Variants in PUS10 observed in about 807,000 individuals in gnomAD.
PUS10 encodes tRNA pseudouridine synthase Pus10.
PUS10 carries 59 observed loss-of-function variants against 75.0 expected under a neutral mutation model. The observed-to-expected ratio is 0.79, with a 90% CI of 0.64 to 0.98. The LOEUF (loss-of-function observed/expected upper bound fraction) is 0.98, where lower values mean the gene tolerates loss of function less well. Ranked by LOEUF, PUS10 falls within the 50% of genes least tolerant of loss-of-function variation. The probability of loss-of-function intolerance (pLI) is 0.00; values close to 1 mark genes in which losing one functional copy is unlikely to be tolerated. For missense variants in PUS10, 650 were observed against 614.4 expected (o/e 1.06, Z -0.61); for synonymous variants, 219 against 211.6 (o/e 1.03, Z -0.30).
intron 4 of PUS10, among the ~76,000 whole-genome samples, chr2:60,975,235 C>T (rs886310816): frequency 2.6e-5 from 4 of 152,116 alleles, no homozygotes; most frequent in African/African-American, 9.7e-5. Context: ...CAACCTCCAC[C>T]TCCTGGGTTC....
At chr2:60,963,628 A>G (rs181288633) in intron 8 of PUS10, among the ~76,000 whole-genome samples, 31 of 152,244 alleles carry the variant, frequency 2.0e-4, no homozygotes, top group African/African-American at 6.3e-4. Flanking sequence ...GCTCAACAGT[A>G]TATCACCAAA....
chr2:60,947,383 T>C (rs1675010509), intron 16 of PUS10, among the ~76,000 whole-genome samples: 1 of 152,192 alleles, frequency 6.6e-6, no homozygotes, highest in Non-Finnish European at 1.5e-5. Context: ...TGGTCATAAA[T>C]ACGTGACTTG....
At chr2:61,005,713 T>G (rs1021163288) in intron 4 of PUS10, among the ~76,000 whole-genome samples, 7 of 152,220 alleles carry the variant, frequency 4.6e-5, no homozygotes, top group African/African-American at 1.4e-4. Flanking sequence ...ATTTGCTCAG[T>G]TATCTTGTCA....
chr2:61,008,672 C>G, intron 3 of PUS10, 89 bp downstream of exon 3: 1 of 1,121,816 alleles, frequency 8.9e-7, no homozygotes, highest in Non-Finnish European at 1.2e-6. Flanking sequence ...ATTGTCTTGT[C>G]TTGAAAAAAG....
intron 15 of PUS10, among the ~76,000 whole-genome samples, chr2:60,952,067 G>T (rs1205157712): frequency 6.6e-6 from 1 of 152,140 alleles, no homozygotes; most frequent in Non-Finnish European, 1.5e-5. Context: ...CGGGCACGGT[G>T]CCTCATGCCT....
chr2:60,996,894 C>T (rs1460987610), intron 4 of PUS10, among the ~76,000 whole-genome samples: 3 of 152,242 alleles, frequency 2.0e-5, no homozygotes, highest in African/African-American at 7.2e-5. Context: ...GTCAATCAGA[C>T]ATTCCCAATA....
intron 1 of PUS10, among the ~76,000 whole-genome samples, chr2:61,015,571 C>T (rs998947340): frequency 1.3e-5 from 2 of 152,042 alleles, no homozygotes; most frequent in African/African-American, 2.4e-5. Flanking sequence ...TGGTGGCACG[C>T]ACCTGTAGTC....
At chr2:60,962,350 T>C (rs999872709) in intron 9 of PUS10, among the ~76,000 whole-genome samples, 1 of 152,176 alleles carries the variant, frequency 6.6e-6, no homozygotes, top group Non-Finnish European at 1.5e-5. Flanking sequence ...GGCGGGTGGA[T>C]CACCTGAGGT....
chr2:60,992,492 T>C (rs1678152213), intron 4 of PUS10, among the ~76,000 whole-genome samples: 1 of 152,174 alleles, frequency 6.6e-6, no homozygotes, highest in South Asian at 2.1e-4. Context: ...AATCACCAAC[T>C]CACGATTTCT....
Position 61,017,845 on chromosome 2 carries a change from C to G in PUS10, c.-16+163G>C, listed in dbSNP as rs543856265. 18 of 1,550,418 alleles carry G rather than the reference C, an allele frequency of 1.2e-5. No individual in the cohort carries two copies. In the African/African-American group the frequency reaches 2.3e-4, roughly 20 times the overall value. ...GGACCGGGACCAGGACCGGGCCCCA[C>G]TTTCCAGTGAGTGTGGGATTCTTCA... On this transcript the variant is annotated intron_variant, in intron 1 of 17. Transcript: ENST00000316752.
chr2:60,961,589 A>C, intron 9 of PUS10, 41 bp from the exon 10 acceptor site: 2 of 1,509,062 alleles, frequency 1.3e-6, no homozygotes, highest in Non-Finnish European at 1.8e-6. Context: ...TTCCAGACAT[A>C]ATATTGAATC....
intron 4 of PUS10, among the ~76,000 whole-genome samples, chr2:60,986,762 T>C (rs1029568404): frequency 2.0e-5 from 3 of 152,146 alleles, no homozygotes; most frequent in South Asian, 2.1e-4. Flanking sequence ...CAGAACAGCA[T>C]AGGAAGGAGG....
chr2:60,953,025 T>C lies in PUS10; in HGVS notation c.1280A>G (p.Lys427Arg). 6.3e-7 allele frequency: 1 copy of C among 1,588,282 alleles called. No individual in the cohort carries two copies. The highest frequency in any genetic ancestry group is 8.6e-7 in the Non-Finnish European group (1 of 1,156,814). ...LIWTNKAIQK[K>R]DIEFLNDIKD... The stretch of plus-strand genomic sequence containing the variant: ...TATGTCATTTAGGAATTCAATGTCT[T>C]TCTTCTGTATCGCTTTATTTGTCCA... The change falls in exon 15 of 18, where the codon AAA becomes AGA. Residue 427 changes from lysine to arginine, a missense_variant. By Grantham distance (26) the Lys-to-Arg change is conservative (BLOSUM62 2). Transcript: ENST00000316752.
Position 61,008,972 on chromosome 2 carries a change from T to A in PUS10, c.170A>T (p.Asp57Val), listed in dbSNP as rs1573521206. The A allele has an allele frequency of 6.2e-7, 1 of 1,612,556 alleles. No individual in the cohort carries two copies. Among genetic ancestry groups the A allele is most frequent in the South Asian group, 1.1e-5 (1 of 90,652 alleles). ...GTTCATAACTTCCAAAATTAATTCA[T>A]CTTTTTCAGTTTCCAGAAATTTCTG... is the stretch of plus-strand genomic sequence containing the variant. The part of the protein sequence containing the change: ...ELQKFLETEK[D>V]ELILEVMNPP... Residue 57 changes from aspartate to valine, a missense_variant, in exon 3 of 18, where the codon GAT becomes GTT. Transcript: ENST00000316752.
chr2:60,973,343 T>C (rs1472894205), intron 4 of PUS10, among the ~76,000 whole-genome samples: 2 of 151,432 alleles, frequency 1.3e-5, no homozygotes, highest in Non-Finnish European at 3.0e-5. Context: ...TCTCTGCACT[T>C]TCAGGGACCC....
chr2:60,982,252 AT>A, intron 4 of PUS10, among the ~76,000 whole-genome samples: 1 of 151,682 alleles, frequency 6.6e-6, no homozygotes, highest in East Asian at 1.9e-4. Context: ...TTATTTATTT[AT>A]TTTATTTATT....
chr2:61,009,383 T>C (rs1284494232), intron 2 of PUS10, among the ~76,000 whole-genome samples: 1 of 152,186 alleles, frequency 6.6e-6, no homozygotes, highest in Non-Finnish European at 1.5e-5. Flanking sequence ...GATTAACATA[T>C]AAAAAGTACA....
chr2:60,976,109 A>G (rs1468213906), intron 4 of PUS10, among the ~76,000 whole-genome samples: 1 of 152,158 alleles, frequency 6.6e-6, no homozygotes, highest in Non-Finnish European at 1.5e-5. Context: ...TTATATATAC[A>G]AAAATATTAA....
At chr2:60,951,026 T>C (rs1461235609) in intron 15 of PUS10, among the ~76,000 whole-genome samples, 13 of 152,366 alleles carry the variant, frequency 8.5e-5, no homozygotes. Context: ...AAGTGATGTC[T>C]TAGTGTTACG....
Sources: gnomAD v4.1 joint callset for allele counts (sites outside exome capture counted in the v4.1 genomes callset) on GRCh38, gnomAD v4.1.1 for gene constraint, MANE v1.5 for transcripts, NCBI Gene and HGNC (gene_info 2026-07-23, HGNC 2026-07-21) for gene names.